The following MAD1L1 variants were observed in gnomAD, a reference collection of about 807,000 sequenced individuals.
MAD1L1 encodes mitotic spindle assembly checkpoint protein MAD1.
Under a neutral mutation model 96.9 loss-of-function variants are expected in MAD1L1, and 95 were observed. The observed-to-expected ratio is 0.98, with a 90% CI of 0.83 to 1.16. MAD1L1 has a LOEUF of 1.16. Ranked by LOEUF, MAD1L1 falls within the 50% of genes most tolerant of loss-of-function variation. The pLI is 0.00. For missense variants in MAD1L1, 1,007 were observed against 954.4 expected, an observed-to-expected ratio of 1.06 and a Z score of -0.73; for synonymous variants, 473 against 396.6, an observed-to-expected ratio of 1.19 and a Z score of -2.29.
chr7:1,995,699 A>G (rs957938993), intron 14 of MAD1L1, among the ~76,000 whole-genome samples: 1 of 152,128 alleles, frequency 6.6e-6, no homozygotes, highest in Non-Finnish European at 1.5e-5. Context: ...ACACCTGCAC[A>G]CCAGCGCGCG....
rs1236136253 is a variant in MAD1L1 at position 1,829,938 on chromosome 7, G to A, written c.1999-13710C>T. Among the ~76,000 whole-genome samples, 3 of 152,164 alleles carry A rather than the reference G, an allele frequency of 2.0e-5. No homozygotes were observed. In the South Asian group the frequency reaches 6.2e-4, roughly 32 times the overall value. On this transcript the variant is annotated intron_variant, in intron 18 of 18. Coordinates refer to ENST00000265854, the MANE Select transcript of MAD1L1 (RefSeq NM_001013836.2). ...AGTGAGATCACCTCTGTAAAGTACA[G>A]AAAGACAAAGCCCAGAATTCTCCAC...
intron 12 of MAD1L1, among the ~76,000 whole-genome samples, chr7:2,037,067 G>A (rs910975638): frequency 1.3e-5 from 2 of 152,074 alleles, no homozygotes; most frequent in African/African-American, 4.8e-5. Context: ...CCCACAGCAT[G>A]AGCTTCCACG....
intron 18 of MAD1L1, among the ~76,000 whole-genome samples, chr7:1,830,757 C>G (rs575698861): frequency 6.6e-6 from 1 of 152,022 alleles, no homozygotes; most frequent in Non-Finnish European, 1.5e-5. Flanking sequence ...GTAAAAAATA[C>G]AGTTAACAAA....
chr7:1,900,706 G>A (rs1489647920), intron 17 of MAD1L1, among the ~76,000 whole-genome samples: 2 of 152,184 alleles, frequency 1.3e-5, no homozygotes, highest in South Asian at 2.1e-4. Context: ...AACATGGCCC[G>A]TGCTGCCTTT....
chr7:2,075,265 G>T (rs529611683), intron 11 of MAD1L1, among the ~76,000 whole-genome samples: 2 of 152,162 alleles, frequency 1.3e-5, no homozygotes, highest in African/African-American at 2.4e-5. Context: ...TTCAGACACC[G>T]CCAACAAGTG....
At chr7:1,914,438 G>A (rs1019504674) in intron 17 of MAD1L1, among the ~76,000 whole-genome samples, 17 of 152,206 alleles carry the variant, frequency 1.1e-4, no homozygotes, top group African/African-American at 3.6e-4. Flanking sequence ...TGTGCGCTCC[G>A]GCTCTGAGGG....
At chr7:1,881,519 T>C (rs1785680435) in intron 18 of MAD1L1, among the ~76,000 whole-genome samples, 1 of 152,112 alleles carries the variant, frequency 6.6e-6, no homozygotes. Flanking sequence ...GAAAGATAAA[T>C]CAACAGGTGA....
chr7:2,031,692 C>T (rs530367312), intron 12 of MAD1L1, among the ~76,000 whole-genome samples: 3 of 152,380 alleles, frequency 2.0e-5, no homozygotes, highest in South Asian at 2.1e-4. Context: ...TGGCTGCAGA[C>T]GGCCCCTCAC....
At chr7:2,125,925 C>T (rs900418181) in intron 11 of MAD1L1, among the ~76,000 whole-genome samples, 23 of 152,402 alleles carry the variant, frequency 1.5e-4, no homozygotes, top group African/African-American at 5.3e-4. Flanking sequence ...GAGGAAGCAG[C>T]CAGTTGGCCC....
intron 14 of MAD1L1, among the ~76,000 whole-genome samples, chr7:1,990,236 A>G (rs2128488686): frequency 6.6e-6 from 1 of 152,304 alleles, no homozygotes; most frequent in East Asian, 1.9e-4. Flanking sequence ...GAGGGCTCAC[A>G]TCCCAGGGCT....
At chr7:1,899,066 G>A (rs770741979) in intron 17 of MAD1L1, among the ~76,000 whole-genome samples, 2 of 152,184 alleles carry the variant, frequency 1.3e-5, no homozygotes, top group Non-Finnish European at 2.9e-5. Flanking sequence ...ATCGTGAGAC[G>A]ACAGCCGGCA....
In MAD1L1 at chr7:2,224,146, C is replaced by T. The variant is rs532269160; in HGVS notation, c.291+1264G>A. On this transcript the variant is annotated intron_variant, in intron 4 of 18. Transcript: ENST00000265854. ...GAGATCCTGGGCAGAGTCGGGTGGG[C>T]CCTGCCCTCAGGGACTCTCGGCCTA... is the stretch of plus-strand genomic sequence containing the variant. Among the ~76,000 whole-genome samples, 257 of 152,270 alleles carry T rather than the reference C, an allele frequency of 1.7e-3. 1 individual carries two copies. The highest frequency in any genetic ancestry group is 5.8e-3 in the African/African-American group (242 of 41,538).
chr7:2,140,715 G>A (rs1374537340), intron 11 of MAD1L1, among the ~76,000 whole-genome samples: 1 of 152,230 alleles, frequency 6.6e-6, no homozygotes, highest in East Asian at 1.9e-4. Flanking sequence ...GCTGATGGCA[G>A]TTGCCTTCCC....
chr7:2,149,759 A>C (rs544797001), intron 10 of MAD1L1, among the ~76,000 whole-genome samples: 5 of 152,356 alleles, frequency 3.3e-5, no homozygotes, highest in African/African-American at 1.2e-4. Context: ...GAGGAAACTC[A>C]GACTCCAATG....
intron 10 of MAD1L1, among the ~76,000 whole-genome samples, chr7:2,151,783 A>G (rs1368232299): frequency 6.6e-6 from 1 of 152,204 alleles, no homozygotes; most frequent in East Asian, 1.9e-4. Flanking sequence ...CTGAAAAGTG[A>G]CAGTGACAGA....
chr7:1,870,881 C>T (rs1335161266), intron 18 of MAD1L1, among the ~76,000 whole-genome samples: 11 of 138,488 alleles, frequency 7.9e-5, no homozygotes, highest in Admixed American at 4.4e-4. Context: ...ACCTAACATA[C>T]GCCTGCCACG....
Position 1,923,481 on chromosome 7 carries a change from C to T in MAD1L1, c.1807+13206G>A, listed in dbSNP as rs200938224. Among the ~76,000 whole-genome samples the T allele has an allele frequency of 5.7e-4, 76 of 133,362 alleles. No individual in the cohort carries two copies. The East Asian group carries it at 0.011, about 19-fold the overall frequency. The allele number at this position is 133,362 out of a possible 152,430, so 87.5% of individuals were successfully genotyped here. ...CTGGCACCCCCGCGCTCTTCCGCCC[C>T]GGCAGCCGGGCAACCCCGCGCTCTT... On this transcript the variant is annotated intron_variant, in intron 17 of 18. Coordinates refer to ENST00000265854, the MANE Select transcript of MAD1L1 (RefSeq NM_001013836.2).
Position 1,860,100 on chromosome 7 carries a change from GC to G in MAD1L1, c.1998+38099del, listed in dbSNP as rs1197433138. Among the ~76,000 whole-genome samples, 78 of 145,358 alleles carry G rather than the reference GC, an allele frequency of 5.4e-4. 1 individual carries two copies. Among genetic ancestry groups the G allele is most frequent in the African/African-American group, 1.9e-3 (73 of 38,528 alleles). On this transcript the variant is annotated intron_variant, in intron 18 of 18. Transcript: ENST00000265854. ...TCTGTGTCCCTAGACCTGACATCCT[GC>G]GGGGCGGCCTCTGTGTCCCTAGACC...
intron 11 of MAD1L1, among the ~76,000 whole-genome samples, chr7:2,134,466 T>C (rs574610581): frequency 6.6e-6 from 1 of 152,354 alleles, no homozygotes; most frequent in South Asian, 2.1e-4. Context: ...TTATTCCCTC[T>C]TCTTGTCTTA....
Sources: gnomAD v4.1 joint callset for allele counts (sites outside exome capture counted in the v4.1 genomes callset) on GRCh38, gnomAD v4.1.1 for gene constraint, MANE v1.5 for transcripts, NCBI Gene and HGNC (gene_info 2026-07-23, HGNC 2026-07-21) for gene names.